Variants in TNS3 observed in about 807,000 individuals in gnomAD.
TNS3 encodes the protein tensin-3.
A neutral mutation model predicts 140.9 loss-of-function variants in TNS3; 45 were observed. The ratio of observed to expected loss-of-function variants is 0.32; its 90% CI spans 0.25 to 0.41. TNS3 has a LOEUF of 0.41. TNS3 is among the 10% of genes least tolerant of loss of function. The pLI is 1.00. For missense variants in TNS3, 1,716 were observed against 1,906.7 expected, an observed-to-expected ratio of 0.90 and a Z score of 1.86; for synonymous variants, 815 against 788.4, an observed-to-expected ratio of 1.03 and a Z score of -0.56.
chr7:47,459,309 C>T (rs1222359131), intron 4 of TNS3, among the ~76,000 whole-genome samples: 2 of 152,210 alleles, frequency 1.3e-5, no homozygotes, highest in African/African-American at 4.8e-5. Context: ...TCCAGGACCA[C>T]ATGCATCATC....
intron 17 of TNS3, among the ~76,000 whole-genome samples, chr7:47,361,864 T>C (rs1020570278): frequency 6.6e-5 from 10 of 152,194 alleles, no homozygotes; most frequent in African/African-American, 2.2e-4. Context: ...TGGAGGTTGA[T>C]GTAACATGAA....
At chr7:47,476,304 T>C (rs1302063840) in intron 4 of TNS3, among the ~76,000 whole-genome samples, 1 of 152,224 alleles carries the variant, frequency 6.6e-6, no homozygotes, top group Non-Finnish European at 1.5e-5. Flanking sequence ...CTCTAGTCCA[T>C]GCTCACACCT....
chr7:47,564,635 C>CAAAAAAAAAAAAAAAAAAAAAAAA (rs749603752), intron 1 of TNS3, among the ~76,000 whole-genome samples: 2 of 30,222 alleles, frequency 6.6e-5, no homozygotes, highest in African/African-American at 1.2e-4. Context: ...GACTCCGTCT[C>CAAAAAAAAAAAAAAAAAAAAAAAA]AAAAAAAAAA....
chr7:47,474,269 A>G (rs959296419), intron 4 of TNS3, among the ~76,000 whole-genome samples: 1 of 145,002 alleles, frequency 6.9e-6, no homozygotes, highest in African/African-American at 2.7e-5. Context: ...TACACAAAAC[A>G]CTTCACACAC....
chr7:47,523,493 G>A (rs74351364), intron 2 of TNS3, among the ~76,000 whole-genome samples: 11,968 of 152,296 alleles, frequency 0.079, 552 homozygotes, highest in Middle Eastern at 0.14. Context: ...AGTCAACAGC[G>A]CCAGAAACCA....
At chr7:47,528,131 C>T (rs917241815) in intron 2 of TNS3, among the ~76,000 whole-genome samples, 3 of 152,052 alleles carry the variant, frequency 2.0e-5, no homozygotes, top group Admixed American at 2.0e-4. Context: ...GGAGGGGCAC[C>T]CCAGTCTTCT....
chr7:47,401,635 A>AGATG (rs1409272083), intron 13 of TNS3, among the ~76,000 whole-genome samples: 1 of 152,236 alleles, frequency 6.6e-6, no homozygotes, highest in Non-Finnish European at 1.5e-5. Context: ...CCCTCCTTGC[A>AGATG]GATGCTTGGC....
intron 16 of TNS3, among the ~76,000 whole-genome samples, chr7:47,389,357 G>A (rs941709243): frequency 1.3e-5 from 2 of 152,146 alleles, no homozygotes; most frequent in Non-Finnish European, 1.5e-5. Flanking sequence ...TGCCGACTGG[G>A]GGTTGGGAGG....
chr7:47,502,734 G>A (rs1053215915), intron 3 of TNS3, among the ~76,000 whole-genome samples: 1 of 152,248 alleles, frequency 6.6e-6, no homozygotes, highest in Non-Finnish European at 1.5e-5. Flanking sequence ...CCCAGACGTA[G>A]CACCGGGACA....
At chr7:47,559,125 G>C (rs1193041778) in intron 1 of TNS3, among the ~76,000 whole-genome samples, 1 of 152,234 alleles carries the variant, frequency 6.6e-6, no homozygotes, top group Admixed American at 6.5e-5. Context: ...GCCAAGGTGG[G>C]CGGATCATGA....
chr7:47,448,476 ATTTTTTT>A (rs71003401), intron 4 of TNS3, among the ~76,000 whole-genome samples: 1 of 129,676 alleles, frequency 7.7e-6, no homozygotes. Flanking sequence ...TGGGAATTCG[ATTTTTTT>A]TTTTTTTTTT....
At chr7:47,499,971 G>A (rs1208049416) in intron 3 of TNS3, among the ~76,000 whole-genome samples, 17 of 152,134 alleles carry the variant, frequency 1.1e-4, no homozygotes, top group South Asian at 2.1e-4. Context: ...ATGTAAGCAC[G>A]TGTGTGTGAG....
intron 4 of TNS3, among the ~76,000 whole-genome samples, chr7:47,466,367 G>T (rs183968613): frequency 2.3e-4 from 35 of 152,154 alleles, no homozygotes; most frequent in African/African-American, 8.4e-4. Context: ...GGCCAGGCTG[G>T]TCTCCTGACC....
intron 4 of TNS3, among the ~76,000 whole-genome samples, chr7:47,469,020 A>G (rs1796836637): frequency 6.6e-6 from 1 of 152,246 alleles, no homozygotes; most frequent in Non-Finnish European, 1.5e-5. Flanking sequence ...TAGTGCTGGG[A>G]TAACTTGCTA....
At chr7:47,334,899 G>A (rs915692215) in intron 20 of TNS3, among the ~76,000 whole-genome samples, 3 of 152,068 alleles carry the variant, frequency 2.0e-5, no homozygotes, top group African/African-American at 4.8e-5. Flanking sequence ...GAGCCACTGC[G>A]CCTGGCGAGA....
At chr7:47,513,770 G>A (rs538667549) in intron 2 of TNS3, among the ~76,000 whole-genome samples, 14 of 152,320 alleles carry the variant, frequency 9.2e-5, no homozygotes, top group African/African-American at 2.9e-4. Context: ...CTTACCCTCC[G>A]GCGTCTGAGC....
intron 20 of TNS3, among the ~76,000 whole-genome samples, chr7:47,312,220 C>T (rs1052087859): frequency 6.6e-6 from 1 of 152,190 alleles, no homozygotes. Context: ...CCCCTCCTCC[C>T]AGTATGGCCC....
intron 4 of TNS3, among the ~76,000 whole-genome samples, chr7:47,475,259 G>GGCCTC (rs1425949679): frequency 6.6e-6 from 1 of 152,258 alleles, no homozygotes; most frequent in African/African-American, 2.4e-5. Flanking sequence ...CTAGCCCACT[G>GGCCTC]GCCTCGGGTG....
intron 17 of TNS3, among the ~76,000 whole-genome samples, chr7:47,347,533 C>T (rs898186385): frequency 6.6e-6 from 1 of 152,056 alleles, no homozygotes; most frequent in Non-Finnish European, 1.5e-5. Context: ...GGGGGCTCCA[C>T]TGCCCGACCC....
Sources: gnomAD v4.1 joint callset for allele counts (sites outside exome capture counted in the v4.1 genomes callset) on GRCh38, gnomAD v4.1.1 for gene constraint, MANE v1.5 for transcripts, NCBI Gene and HGNC (gene_info 2026-07-23, HGNC 2026-07-21) for gene names.